The following NCAM2 variants were observed in gnomAD, a reference collection of about 807,000 sequenced individuals.
The protein encoded by NCAM2 is N-CAM-2.
Under a neutral mutation model 98.1 loss-of-function variants are expected in NCAM2, and 30 were observed. The ratio of observed to expected loss-of-function variants is 0.31; its 90% CI spans 0.23 to 0.41. The LOEUF (loss-of-function observed/expected upper bound fraction) is 0.41, where lower values mean the gene tolerates loss of function less well. NCAM2 is among the 10% of genes least tolerant of loss of function. The pLI is 1.00. For synonymous variants in NCAM2, 368 were observed against 342.4 expected (o/e 1.07, Z -0.83); for missense variants, 867 against 1,005.8 (o/e 0.86, Z 1.87).
chr21:21,050,372 G>A (rs2065083757), intron 1 of NCAM2, among the ~76,000 whole-genome samples: 1 of 152,104 alleles, frequency 6.6e-6, no homozygotes. Context: ...TTATTTTTGG[G>A]GATGGTTTAT....
chr21:21,229,028 T>C (rs2070508586), intron 1 of NCAM2, among the ~76,000 whole-genome samples: 1 of 151,552 alleles, frequency 6.6e-6, no homozygotes, highest in Non-Finnish European at 1.5e-5. Context: ...TTTCAAAATG[T>C]ATGTGTGTAT....
At chr21:21,215,297 G>A (rs188919744) in intron 1 of NCAM2, among the ~76,000 whole-genome samples, 1 of 152,154 alleles carries the variant, frequency 6.6e-6, no homozygotes, top group African/African-American at 2.4e-5. Flanking sequence ...ATGGAACACA[G>A]TCATAGAGAT....
chr21:21,287,718 G>A (rs1413536072), intron 4 of NCAM2, among the ~76,000 whole-genome samples: 2 of 151,870 alleles, frequency 1.3e-5, no homozygotes, highest in Non-Finnish European at 2.9e-5. Context: ...TGATGACAAC[G>A]GGTAGTGGTG....
intron 1 of NCAM2, among the ~76,000 whole-genome samples, chr21:21,070,609 T>C (rs1270588851): frequency 6.9e-6 from 1 of 145,094 alleles, no homozygotes; most frequent in Non-Finnish European, 1.5e-5. Context: ...GGGTCTAACA[T>C]GTTGTGGTAG....
Position 21,335,629 on chromosome 21 carries a change from G to A in NCAM2, c.862G>A (p.Gly288Arg). ...TGTCTGCAGGGCCACAAATAAGGCA[G>A]GAGAAGATGAAAAGCAAGCTTTCCT... ...PYVCRATNKA[G>R]EDEKQAFLQV... Residue 288 changes from glycine to arginine, a missense_variant, in exon 7 of 18, where the codon GGA becomes AGA. Gly to Arg is a moderately radical substitution (Grantham distance 125). Around this residue, in one of 5 missense-constraint regions of NCAM2, gnomAD observed 447 missense variants for 495.7 expected, o/e 0.90. Transcript: ENST00000400546. 1 of 1,608,110 alleles carries A rather than the reference G, an allele frequency of 6.2e-7. No homozygotes were observed. The highest frequency in any genetic ancestry group is 8.5e-7 in the Non-Finnish European group (1 of 1,177,506).
chr21:21,229,864 T>C (rs150289501), intron 1 of NCAM2, among the ~76,000 whole-genome samples: 5 of 151,462 alleles, frequency 3.3e-5, no homozygotes, highest in African/African-American at 1.2e-4. Flanking sequence ...CAAGCCAAGG[T>C]TTTTAAGCTT....
intron 8 of NCAM2, among the ~76,000 whole-genome samples, chr21:21,367,804 A>T (rs945689319): frequency 2.6e-5 from 4 of 151,438 alleles, no homozygotes; most frequent in African/African-American, 9.8e-5. Flanking sequence ...CACTAAGTAA[A>T]GTAGTTAATC....
In NCAM2 at chr21:21,263,753, G is replaced by A. The variant is rs547953063; in HGVS notation, c.56-16825G>A. 9.2e-5 allele frequency among the ~76,000 whole-genome samples: 14 copies of A among 152,192 alleles called. No individual in the cohort carries two copies. The South Asian group carries it at 2.7e-3, about 29-fold the overall frequency. On this transcript the variant is annotated intron_variant, in intron 1 of 17. Transcript: ENST00000400546. ...CTCAAAGTTGACAAAAATAAACAAT[G>A]GGGAAAGGATGGCTATTCAATAAAT...
chr21:21,288,646 A>G (rs192593304), intron 4 of NCAM2, among the ~76,000 whole-genome samples: 36 of 151,770 alleles, frequency 2.4e-4, no homozygotes, highest in Middle Eastern at 6.8e-3. Context: ...AACAATTTGT[A>G]CATTTATAAT....
intron 15 of NCAM2, among the ~76,000 whole-genome samples, chr21:21,497,081 C>A (rs1170213157): frequency 6.6e-6 from 1 of 152,004 alleles, no homozygotes; most frequent in East Asian, 1.9e-4. Context: ...GAGCGGGAGG[C>A]CATAGTCCTA....
At chr21:21,474,641 A>G (rs987714615) in intron 14 of NCAM2, among the ~76,000 whole-genome samples, 1 of 151,970 alleles carries the variant, frequency 6.6e-6, no homozygotes, top group East Asian at 1.9e-4. Context: ...CAACCACTTC[A>G]TCGTTACATA....
chr21:21,506,050 C>T (rs1404975603), intron 15 of NCAM2, among the ~76,000 whole-genome samples: 1 of 151,864 alleles, frequency 6.6e-6, no homozygotes, highest in Non-Finnish European at 1.5e-5. Context: ...AATCTTCATA[C>T]TTAGGAAAGG....
intron 1 of NCAM2, among the ~76,000 whole-genome samples, chr21:21,264,190 G>GA (rs1194844580): frequency 6.6e-6 from 1 of 151,972 alleles, no homozygotes. Context: ...CACAGGAAAT[G>GA]AACAGATACC....
intron 16 of NCAM2, among the ~76,000 whole-genome samples, chr21:21,528,038 G>A (rs946105783): frequency 3.3e-5 from 5 of 152,190 alleles, no homozygotes; most frequent in African/African-American, 7.2e-5. Context: ...AGCAAGCCAC[G>A]AAGAGACATG....
chr21:21,454,266 A>G (rs1009492099), intron 12 of NCAM2, among the ~76,000 whole-genome samples: 3 of 152,092 alleles, frequency 2.0e-5, no homozygotes, highest in Non-Finnish European at 2.9e-5. Context: ...CCTAATTCAT[A>G]TTAAATTGTA....
At chr21:21,210,967 A>AACACAC (rs71195310) in intron 1 of NCAM2, among the ~76,000 whole-genome samples, 1,753 of 127,280 alleles carry the variant, frequency 0.014, 45 homozygotes, top group East Asian at 0.038. Flanking sequence ...ACTCTCCCCA[A>AACACAC]ACACACACAC....
intron 5 of NCAM2, among the ~76,000 whole-genome samples, chr21:21,319,631 A>C (rs2147772561): frequency 6.6e-6 from 1 of 152,286 alleles, no homozygotes. Context: ...ACAGAGTGAG[A>C]CTCCATAAGA....
chr21:21,081,924 G>A (rs1287865783), intron 1 of NCAM2, among the ~76,000 whole-genome samples: 1 of 151,814 alleles, frequency 6.6e-6, no homozygotes, highest in Non-Finnish European at 1.5e-5. Context: ...TTCAATAATT[G>A]CTCAGTAATT....
intron 1 of NCAM2, among the ~76,000 whole-genome samples, chr21:21,214,394 T>C (rs570755797): frequency 3.2e-4 from 48 of 152,056 alleles, no homozygotes; most frequent in Non-Finnish European, 5.4e-4. Context: ...TTGCAAAGCT[T>C]AGTGAAAATT....
Sources: allele counts gnomAD v4.1 joint callset (sites outside exome capture counted in the v4.1 genomes callset), GRCh38; gene constraint gnomAD v4.1.1; regional missense constraint gnomAD v4.1.1; transcripts MANE v1.5; gene names NCBI Gene and HGNC (gene_info 2026-07-23, HGNC 2026-07-21).